COX15: variants seen among roughly 807,000 people sequenced by gnomAD.
The protein encoded by COX15 is heme A synthase COX15.
A neutral mutation model predicts 51.9 loss-of-function variants in COX15; 51 were observed. The ratio of observed to expected loss-of-function variants is 0.98; its 90% CI spans 0.78 to 1.24. The LOEUF (loss-of-function observed/expected upper bound fraction) is 1.24, where lower values mean the gene tolerates loss of function less well. Ranked by LOEUF, COX15 falls within the 50% of genes most tolerant of loss-of-function variation. The pLI, the probability that COX15 is intolerant of heterozygous loss-of-function variation, is 0.00. For synonymous variants in COX15, 188 were observed against 190.5 expected, an observed-to-expected ratio of 0.99 and a Z score of 0.11; for missense variants, 420 against 501.1, an observed-to-expected ratio of 0.84 and a Z score of 1.55.
chr10:99,717,271 C>A (rs1056078762), intron 7 of COX15, among the ~76,000 whole-genome samples: 54 of 152,312 alleles, frequency 3.5e-4, no homozygotes, highest in African/African-American at 1.3e-3. Context: ...AGGGTCCCAT[C>A]CCTGTAGGTC....
chr10:99,716,685 A>T (rs1411541502), intron 7 of COX15: 6 of 480,328 alleles, frequency 1.2e-5, no homozygotes, highest in Non-Finnish European at 1.9e-5. Context: ...GGCTCCACCT[A>T]AGATTCTGTA....
At chr10:99,714,768 C>T (rs367763727) in intron 8 of COX15, 50 bp from the exon 9 acceptor site, 248 of 1,608,496 alleles carry the variant, frequency 1.5e-4, no homozygotes, top group Non-Finnish European at 2.1e-4. Context: ...CCAAAGTTCA[C>T]ATTGAAAATG....
chr10:99,699,529 T>C, the COX15 span, among the ~76,000 whole-genome samples: 2 of 152,178 alleles, frequency 1.3e-5, no homozygotes, highest in Admixed American at 1.3e-4. Flanking sequence ...TGTCTCTATC[T>C]TTTTCATCAG....
Position 99,721,058 on chromosome 10 carries a change from G to A in COX15, c.761C>T (p.Thr254Ile). Reference sequence around the variant, plus strand: ...TCGTCTCAACTGTAGGAGTTGGTGGGTTTCAGGCAACTAAATATGAAAAAA... The same window carrying A: ...TCGTCTCAACTGTAGGAGTTGGTGGATTTCAGGCAACTAAATATGAAAAAA... ...LLLPPHKLPE[T>I]HQLLQLRRFA... Residue 254 changes from threonine to isoleucine, a missense_variant, in exon 6 of 9, where the codon ACC becomes ATC. Transcript: ENST00000016171. The A allele has an allele frequency of 6.2e-7, 1 of 1,612,906 alleles. No homozygotes were observed. The highest frequency in any genetic ancestry group is 8.5e-7 in the Non-Finnish European group (1 of 1,179,576).
At chr10:99,700,281 T>A in the COX15 span, among the ~76,000 whole-genome samples, 2 of 152,154 alleles carry the variant, frequency 1.3e-5, no homozygotes, top group Non-Finnish European at 2.9e-5. Context: ...AAACGTTATC[T>A]TCCCAGAGCC....
Position 99,718,505 on chromosome 10 carries a change from AT to A in COX15, c.833-6del. ...CTAGCCCTGCCACAAAAGCCCCTGT[AT>A]TCCAAGGTAAATGGTATTTATTAAA... On this transcript the variant is annotated splice_region_variant and splice_polypyrimidine_tract_variant and intron_variant, in intron 6 of 8. Coordinates refer to ENST00000016171, the MANE Select transcript of COX15 (RefSeq NM_078470.6). The A allele has an allele frequency of 6.2e-7, 1 of 1,614,164 alleles. No individual in the cohort carries two copies. The highest frequency in any genetic ancestry group is 8.5e-7 in the Non-Finnish European group (1 of 1,179,988).
At chr10:99,718,964 G>A (rs12249652) in intron 6 of COX15, among the ~76,000 whole-genome samples, 65,854 of 151,882 alleles carry the variant, frequency 0.43, 14,694 homozygotes, top group Middle Eastern at 0.64. Context: ...CCCACTTTCT[G>A]TCTCCTGACC....
At chr10:99,724,962 G>C (rs1402556647) in intron 4 of COX15, among the ~76,000 whole-genome samples, 1 of 152,168 alleles carries the variant, frequency 6.6e-6, no homozygotes, top group Non-Finnish European at 1.5e-5. Context: ...ACAGTTTATG[G>C]GGATATAAGA....
chr10:99,717,531 T>G (rs570466729), intron 7 of COX15, among the ~76,000 whole-genome samples: 1 of 152,148 alleles, frequency 6.6e-6, no homozygotes, highest in African/African-American at 2.4e-5. Flanking sequence ...TAAATTAAAT[T>G]TAATTTTTTA....
At chr10:99,706,426 C>T (rs2036254646), downstream of COX15, among the ~76,000 whole-genome samples, 1 of 151,950 alleles carries the variant, frequency 6.6e-6, no homozygotes, top group Non-Finnish European at 1.5e-5. Context: ...GCCTCAACCT[C>T]CTGGGCTCAA....
At chr10:99,729,459 CAA>C (rs35588478) in intron 2 of COX15, 92 bp downstream of exon 2, 17,153 of 1,201,868 alleles carry the variant, frequency 0.014, 4 homozygotes, top group East Asian at 0.021. Context: ...GACTCTGTCT[CAA>C]AAAAAAAAAA....
At position 99,723,996 on chromosome 10, in the gene COX15, C is replaced by T. The variant is rs1264837625; in HGVS notation, c.710G>A (p.Ser237Asn). 3 of 1,613,956 alleles carry T rather than the reference C, an allele frequency of 1.9e-6. No homozygotes were observed. The highest frequency in any genetic ancestry group is 2.5e-6 in the Non-Finnish European group (3 of 1,180,030). ...TAGCAGTGACAGTGAGGTCCACAAG[C>T]TGGCACAATAAAGAACCAGGGCTGA... Reference protein sequence around the residue: ...LGSALVLYCASLWTSLSLLLP... With the variant: ...LGSALVLYCANLWTSLSLLLP... Residue 237 changes from serine (S) to asparagine (N), a missense_variant, in exon 5 of 9, where the codon AGC becomes AAC. Transcript: ENST00000016171.
chr10:99,706,357 A>AG (rs2036253034), downstream of COX15: 1 of 151,544 alleles, frequency 6.6e-6, no homozygotes, highest in South Asian at 2.1e-4. Context: ...TCTTGGAGAC[A>AG]GGGCCTCACG....
chr10:99,698,583 C>A, the COX15 span: 1 of 1,614,134 alleles, frequency 6.2e-7, no homozygotes, highest in South Asian at 1.1e-5. Context: ...ATTTCTGGAT[C>A]CCTGCCTGCC....
intron 1 of COX15, among the ~76,000 whole-genome samples, chr10:99,730,357 G>C (rs1014932098): frequency 1.3e-5 from 2 of 152,216 alleles, no homozygotes; most frequent in Non-Finnish European, 2.9e-5. Flanking sequence ...GGCAGAGGCA[G>C]GGAGATCACT....
At chr10:99,716,031 G>C (rs1471473343) in intron 8 of COX15, among the ~76,000 whole-genome samples, 3 of 122,860 alleles carry the variant, frequency 2.4e-5, no homozygotes, top group Non-Finnish European at 4.9e-5. Flanking sequence ...TCACTCTGTT[G>C]TCTAGGCTGG....
rs566762808 is a variant in COX15 at position 99,731,389 on chromosome 10, T to C, written c.90+571A>G. On this transcript the variant is annotated intron_variant, in intron 1 of 8. Coordinates refer to ENST00000016171, the MANE Select transcript of COX15 (RefSeq NM_078470.6). ...CCTCCAGGGCAGGAGTCTTGTAATATTTATCTTTCTTTTTCCAGTTCCTAA... is the reference window on the plus strand; with the variant it reads ...CCTCCAGGGCAGGAGTCTTGTAATACTTATCTTTCTTTTTCCAGTTCCTAA... Among the ~76,000 whole-genome samples the C allele has an allele frequency of 1.8e-3, 281 of 152,332 alleles. 3 individuals carry two copies. Among genetic ancestry groups the C allele is most frequent in the South Asian group, 0.015 (74 of 4,826 alleles).
In COX15 at chr10:99,731,956, G is replaced by A. The variant is rs754925168; in HGVS notation, c.90+4C>T. 6.2e-7 allele frequency: 1 copy of A among 1,608,124 alleles called. No individual in the cohort carries two copies. The highest frequency in any genetic ancestry group is 8.5e-7 in the Non-Finnish European group (1 of 1,177,630). Reference sequence around the variant, plus strand: ...GCGACTCGGAGTCCGCTGCAGTGCGGTACCTGTGCTCTAGGCGCTGCCCTA... The same window carrying A: ...GCGACTCGGAGTCCGCTGCAGTGCGATACCTGTGCTCTAGGCGCTGCCCTA... On this transcript the variant is annotated splice_donor_region_variant and intron_variant, in intron 1 of 8. Transcript: ENST00000016171.
rs77534854 is a variant in COX15, at chr10:99,716,597, C to T, written c.988-136G>A. ...CAGTCACAGAGAACCTCCCTGCAGT[C>T]CCAGCCTGATCACTCCTCCACAGGC... On this transcript the variant is annotated intron_variant, in intron 7 of 8. Coordinates refer to ENST00000016171, the MANE Select transcript of COX15 (RefSeq NM_078470.6). 1.2e-3 allele frequency: 761 copies of T among 657,014 alleles called. 3 individuals are homozygous for T. The highest frequency in any genetic ancestry group is 0.011 in the African/African-American group (623 of 56,046). The allele number at this position is 657,014 out of a possible 1,614,324, so 40.7% of individuals were successfully genotyped here.
Sources: allele counts gnomAD v4.1 joint callset (sites outside exome capture counted in the v4.1 genomes callset), GRCh38; gene constraint gnomAD v4.1.1; transcripts MANE v1.5; gene names NCBI Gene and HGNC (gene_info 2026-07-23, HGNC 2026-07-21).